The following CCDC57 variants were observed in gnomAD, a reference collection of about 807,000 sequenced individuals.
CCDC57 encodes coiled-coil domain containing 57.
A neutral mutation model predicts 118.9 loss-of-function variants in CCDC57; 118 were observed. That is an observed-to-expected ratio of 0.99 (90% CI 0.86 to 1.16). The LOEUF is 1.16. Ranked by LOEUF, CCDC57 falls within the 50% of genes most tolerant of loss-of-function variation. The probability of loss-of-function intolerance (pLI) is 0.00; values close to 1 mark genes in which losing one functional copy is unlikely to be tolerated. For synonymous variants in CCDC57, 527 were observed against 532.9 expected (o/e 0.99, Z 0.15); for missense variants, 1,300 against 1,320.7 (o/e 0.98, Z 0.24).
At chr17:82,180,950 C>A (rs1419750184) in intron 9 of CCDC57, among the ~76,000 whole-genome samples, 2 of 152,216 alleles carry the variant, frequency 1.3e-5, no homozygotes, top group Non-Finnish European at 2.9e-5. Context: ...GGGCTGAGGC[C>A]CCTCAGAGAA....
intron 16 of CCDC57, among the ~76,000 whole-genome samples, chr17:82,143,986 G>GGA (rs1351795562): frequency 6.6e-6 from 1 of 150,700 alleles, no homozygotes; most frequent in Non-Finnish European, 1.5e-5. Context: ...CCCGGGAGGT[G>GGA]GAGTTTGCAC....
intron 2 of CCDC57, among the ~76,000 whole-genome samples, chr17:82,207,351 A>C (rs35946973): frequency 5.9e-5 from 9 of 151,844 alleles, no homozygotes; most frequent in Non-Finnish European, 7.4e-5. Flanking sequence ...AAAAAAAAAA[A>C]CAAAAAAGAA....
At chr17:82,137,707 C>A (rs887843833) in intron 16 of CCDC57, among the ~76,000 whole-genome samples, 1 of 148,104 alleles carries the variant, frequency 6.8e-6, no homozygotes, top group African/African-American at 2.5e-5. Flanking sequence ...TGGAGTCTCG[C>A]TGTGTCGCCA....
intron 19 of CCDC57, among the ~76,000 whole-genome samples, chr17:82,114,372 G>A (rs2035579045): frequency 2.0e-5 from 3 of 152,214 alleles, no homozygotes; most frequent in African/African-American, 7.2e-5. Flanking sequence ...GTGAGGATGA[G>A]CTGGTGCTGA....
At position 82,151,180 on chromosome 17, in the gene CCDC57, C is replaced by T. The variant is rs1227433651; in HGVS notation, c.2455+380G>A. On this transcript the variant is annotated intron_variant, in intron 16 of 19. Coordinates refer to ENST00000665763, the Ensembl canonical transcript of CCDC57. ...AACCAGGCGCACACCCAGAACCAGG[C>T]GCACACCCAGAACCAGGCGCACATC... Among the ~76,000 whole-genome samples the T allele has an allele frequency of 2.0e-4, 26 of 131,216 alleles. 2 individuals carry two copies. Among genetic ancestry groups the T allele is most frequent in the African/African-American group, 6.3e-4 (22 of 34,998 alleles). 86.1% of individuals were successfully genotyped at this position (131,216 alleles called of 152,430 possible). A position where few individuals can be genotyped will look rare whatever the true frequency, so the allele number is the denominator to read the frequency against.
chr17:82,183,729 C>A, intron 9 of CCDC57, 45 bp downstream of exon 8: 1 of 1,532,872 alleles, frequency 6.5e-7, no homozygotes, highest in Non-Finnish European at 8.8e-7. Context: ...ACAGCACCTG[C>A]CCATAGGAGA....
At chr17:82,114,358 G>A (rs1290452092) in intron 19 of CCDC57, among the ~76,000 whole-genome samples, 1 of 152,214 alleles carries the variant, frequency 6.6e-6, no homozygotes, top group African/African-American at 2.4e-5. Context: ...GGAGGGACGG[G>A]GGCGTGAGGA....
At chr17:82,194,129 A>G in exon 6 of CCDC57, 1 of 1,613,104 alleles carries the variant, frequency 6.2e-7, no homozygotes, top group Admixed American at 1.7e-5. Context: ...CTCTTTGTGC[A>G]GTAGTTTAAC....
intron 19 of CCDC57, 31 bp from the exon 19 acceptor site, chr17:82,101,897 A>G (rs752224177): frequency 2.0e-6 from 3 of 1,530,686 alleles, no homozygotes; most frequent in Non-Finnish European, 1.8e-6. Context: ...AACAGCATGC[A>G]TCAGGATGGC....
At chr17:82,127,009 C>G (rs1436006148) in intron 19 of CCDC57, 8 of 985,276 alleles carry the variant, frequency 8.1e-6, no homozygotes, top group Non-Finnish European at 9.6e-6. Context: ...TTTCCCTCCC[C>G]CCTTCTCGCT....
chr17:82,186,075 C>CA (rs1382404463), intron 8 of CCDC57, among the ~76,000 whole-genome samples: 3 of 151,844 alleles, frequency 2.0e-5, no homozygotes, highest in Admixed American at 6.6e-5. Context: ...CTCAGCCTCC[C>CA]AAAGTGCTGG....
intron 19 of CCDC57, among the ~76,000 whole-genome samples, chr17:82,124,981 CT>C (rs1387882404): frequency 6.6e-6 from 1 of 152,092 alleles, no homozygotes. Context: ...GGCGGTGCCC[CT>C]AAGAATCCTG....
At chr17:82,141,585 A>G (rs1460742973) in intron 16 of CCDC57, among the ~76,000 whole-genome samples, 2 of 152,108 alleles carry the variant, frequency 1.3e-5, no homozygotes, top group Non-Finnish European at 2.9e-5. Context: ...GTGAATTAGC[A>G]CTCTCGCTGC....
chr17:82,151,198 C>A (rs1263692816), intron 16 of CCDC57, among the ~76,000 whole-genome samples: 1 of 135,026 alleles, frequency 7.4e-6, no homozygotes, highest in Non-Finnish European at 1.6e-5. Context: ...CAGAACCAGG[C>A]GCACATCCAG....
intron 14 of CCDC57, among the ~76,000 whole-genome samples, chr17:82,162,339 T>G (rs562468280): frequency 5.9e-5 from 9 of 152,190 alleles, no homozygotes; most frequent in African/African-American, 2.2e-4. Flanking sequence ...CAAAACGATG[T>G]TAGGAATATG....
At chr17:82,179,800 A>G (rs113847416) in intron 9 of CCDC57, among the ~76,000 whole-genome samples, 2,235 of 152,334 alleles carry the variant, frequency 0.015, 36 homozygotes, top group South Asian at 0.048. Context: ...CAGCCTTCAG[A>G]GAGCTCTAGA....
At chr17:82,151,843 C>T in intron 15 of CCDC57, 70 bp from the exon 15 acceptor site, 1 of 1,355,308 alleles carries the variant, frequency 7.4e-7, no homozygotes, top group Non-Finnish European at 1.0e-6. Context: ...GGGTGCCCAC[C>T]CAAGGAGCCT....
chr17:82,131,804 T>G (rs753866983), intron 17 of CCDC57, among the ~76,000 whole-genome samples: 8 of 151,558 alleles, frequency 5.3e-5, no homozygotes, highest in Non-Finnish European at 1.0e-4. Flanking sequence ...CACAAAGCAG[T>G]CTTGGCTCCA....
At chr17:82,103,680 T>C (rs931617466) in intron 19 of CCDC57, among the ~76,000 whole-genome samples, 1 of 152,202 alleles carries the variant, frequency 6.6e-6, no homozygotes, top group Admixed American at 6.5e-5. Context: ...AGACAAAGCC[T>C]GTGGGGATTT....
Sources: gnomAD v4.1 joint callset for allele counts (sites outside exome capture counted in the v4.1 genomes callset) on GRCh38, gnomAD v4.1.1 for gene constraint, MANE v1.5 for transcripts, NCBI Gene and HGNC (gene_info 2026-07-23, HGNC 2026-07-21) for gene names.